CARD10: variants seen among roughly 807,000 people sequenced by gnomAD.
CARD10 encodes the protein caspase recruitment domain-containing protein 10.
In CARD10, 49 loss-of-function variants were observed where a neutral mutation model predicts 114.6. That is an observed-to-expected ratio of 0.43 (90% confidence interval 0.34 to 0.54). CARD10 has a LOEUF of 0.54. Ranked by LOEUF, CARD10 falls within the 20% of genes least tolerant of loss-of-function variation. The pLI is 0.03. For missense variants in CARD10, 1,206 were observed against 1,397.2 expected, an observed-to-expected ratio of 0.86 and a Z score of 2.18; for synonymous variants, 602 against 593.2, an observed-to-expected ratio of 1.01 and a Z score of -0.21.
At chr22:37,500,116 C>T (rs563968272) in intron 11 of CARD10, among the ~76,000 whole-genome samples, 55 of 152,192 alleles carry the variant, frequency 3.6e-4, no homozygotes, top group Non-Finnish European at 6.9e-4. Flanking sequence ...AGGTCAGGGA[C>T]CTGATGCTGA....
At chr22:37,517,119 T>A (rs1438907590) in intron 2 of CARD10, among the ~76,000 whole-genome samples, 1 of 152,170 alleles carries the variant, frequency 6.6e-6, no homozygotes, top group Non-Finnish European at 1.5e-5. Flanking sequence ...CATACAAGGA[T>A]GTTCCCGTAT....
At chr22:37,511,648 G>A (rs140710816) in intron 3 of CARD10, among the ~76,000 whole-genome samples, 332 of 151,956 alleles carry the variant, frequency 2.2e-3, no homozygotes, top group Non-Finnish European at 3.8e-3. Flanking sequence ...TGTACGGGGG[G>A]GGTGTGAGGG....
At chr22:37,498,907 G>C (rs966076635) in intron 11 of CARD10, among the ~76,000 whole-genome samples, 1 of 52,358 alleles carries the variant, frequency 1.9e-5, no homozygotes, top group Non-Finnish European at 3.2e-5. Flanking sequence ...CTGGGGGGTG[G>C]GGGGGGGGGG....
intron 11 of CARD10, among the ~76,000 whole-genome samples, chr22:37,499,225 C>T (rs1010889312): frequency 3.3e-5 from 5 of 151,758 alleles, no homozygotes; most frequent in African/African-American, 1.2e-4. Context: ...TGGGGTCAAA[C>T]GGCCCAGCTG....
chr22:37,507,795 G>A (rs760843710), intron 6 of CARD10, 34 bp downstream of exon 6: 3 of 1,613,330 alleles, frequency 1.9e-6, no homozygotes, highest in Non-Finnish European at 2.5e-6. Context: ...AGCAGCAACT[G>A]GCCCAGGGCC....
Position 37,497,114 on chromosome 22 carries a change from G to T in CARD10, c.1852C>A (p.Pro618Thr). 1.2e-6 allele frequency: 2 copies of T among 1,614,252 alleles called. No homozygotes were observed. The highest frequency in any genetic ancestry group is 1.7e-6 in the Non-Finnish European group (2 of 1,180,048). ...PGGPEPQDKG[P>T]DGLSFYGDRW... ...TCCCCATAAAACGACAGTCCATCTG[G>T]TCCCTTGTCCTGCGGCTCTGGGCCC... The change falls in exon 12 of 20, where the codon CCA (proline) becomes ACA (threonine). Residue 618 changes from proline (P) to threonine (T), a missense_variant. Pro to Thr is a conservative substitution (Grantham distance 38). Around this residue, in one of 2 missense-constraint regions of CARD10, gnomAD observed 1,068 missense variants for 1,179.1 expected, o/e 0.91. Transcript: ENST00000251973.
intron 4 of CARD10, among the ~76,000 whole-genome samples, chr22:37,509,641 CG>C (rs201218584): frequency 5.3e-5 from 8 of 149,892 alleles, no homozygotes; most frequent in African/African-American, 2.0e-4. Context: ...CTGACCTCCC[CG>C]CAGCCTGTGC....
At position 37,519,033 on chromosome 22, in the gene CARD10, G is replaced by A. The variant is rs762529561; in HGVS notation, c.168C>T (p.Val56=). ...KLTPYLRQCR[V]IDEQDEEEVL... is the part of the protein sequence containing the mutation. ...CCTCCTCCTCGTCCTGCTCGTCGAT[G>A]ACCCGGCACTGGCGCAGATACGGCG... The change falls in exon 1 of 20, where the codon GTC becomes GTT. Residue 56 remains valine (V), a synonymous_variant. Transcript: ENST00000251973. This position sits in a 1 kb window ranked among gnomAD's most constrained non-coding sequence, Gnocchi z 4.1. 11 of 1,595,212 alleles carry A rather than the reference G, an allele frequency of 6.9e-6. No individual in the cohort carries two copies. The South Asian group carries it at 1.0e-4, about 14-fold the overall frequency.
chr22:37,500,136 A>G (rs964738172), intron 11 of CARD10, among the ~76,000 whole-genome samples: 1 of 152,232 alleles, frequency 6.6e-6, no homozygotes, highest in Non-Finnish European at 1.5e-5. Flanking sequence ...AGACTGAAGC[A>G]TGCCACACAG....
chr22:37,495,485 C>G, intron 15 of CARD10, 32 bp downstream of exon 15: 1 of 1,581,418 alleles, frequency 6.3e-7, no homozygotes, highest in Non-Finnish European at 8.6e-7. Context: ...CCCTTGGGGC[C>G]CCCCACCCAC....
chr22:37,514,191 G>C (rs1267997530), intron 3 of CARD10, among the ~76,000 whole-genome samples: 1 of 151,836 alleles, frequency 6.6e-6, no homozygotes, highest in Admixed American at 6.6e-5. Flanking sequence ...TCCTCCTCTA[G>C]AAATGGGGAA....
In CARD10 at chr22:37,491,164, C is replaced by A; in HGVS notation, c.3094G>T (p.Ala1032Ser). ...SSRGCPSSSE[A>S] The stretch of plus-strand genomic sequence containing the variant: ...GTGCAGGTATCAGATGAGCCTCAGG[C>A]CTCACTGCTGCTGGGGCAGCCTCTG... Residue 1032 changes from alanine (A) to serine (S), a missense_variant, in exon 20 of 20, where the codon GCC becomes TCC. Ala to Ser is a moderately conservative substitution (Grantham distance 99). Around this residue, in one of 2 missense-constraint regions of CARD10, gnomAD observed 1,068 missense variants for 1,179.1 expected, o/e 0.91. Transcript: ENST00000251973. 1 of 1,556,548 alleles carries A rather than the reference C, an allele frequency of 6.4e-7. No homozygotes were observed. The highest frequency in any genetic ancestry group is 8.7e-7 in the Non-Finnish European group (1 of 1,151,200).
At chr22:37,494,276 G>A (rs1922913509) in intron 15 of CARD10, 88 bp from the exon 16 acceptor site, 3 of 848,258 alleles carry the variant, frequency 3.5e-6, no homozygotes, top group Non-Finnish European at 5.6e-6. Context: ...GGCACAGCGG[G>A]CCCCACTGCC....
Position 37,519,387 on chromosome 22 carries a change from C to A in CARD10, c.-187G>T. On this transcript the variant is annotated 5_prime_UTR_variant, in exon 1 of 20. Coordinates refer to ENST00000251973, the MANE Select transcript of CARD10 (RefSeq NM_014550.4). This position sits in a 1 kb window ranked among gnomAD's most constrained non-coding sequence, Gnocchi z 4.1. Reference sequence around the variant, plus strand: ...TCGGGCTCCCGGGTCCGCACTCGGGCGGCGGCTCCGCCGGCGCAGGGGGGC... The same window carrying A: ...TCGGGCTCCCGGGTCCGCACTCGGGAGGCGGCTCCGCCGGCGCAGGGGGGC... The A allele has an allele frequency of 1.7e-6, 2 of 1,207,300 alleles. No individual in the cohort carries two copies. Among genetic ancestry groups the A allele is most frequent in the Non-Finnish European group, 2.1e-6 (2 of 972,798 alleles). 74.8% of individuals were successfully genotyped at this position (1,207,300 alleles called of 1,614,324 possible).
intron 4 of CARD10, among the ~76,000 whole-genome samples, 165 bp from the exon 5 acceptor site, chr22:37,508,847 AG>A (rs1302577906): frequency 6.6e-6 from 1 of 152,166 alleles, no homozygotes; most frequent in Non-Finnish European, 1.5e-5. Context: ...CCCCATCGGC[AG>A]AGTGGGTGTG....
At chr22:37,509,449 C>T (rs568129412) in intron 4 of CARD10, among the ~76,000 whole-genome samples, 3 of 152,104 alleles carry the variant, frequency 2.0e-5, no homozygotes, top group Non-Finnish European at 4.4e-5. Flanking sequence ...GCCCTCAGCT[C>T]AGAGCTTCAG....
intron 5 of CARD10, among the ~76,000 whole-genome samples, 187 bp from the exon 6 acceptor site, chr22:37,508,141 C>T (rs1229801278): frequency 6.6e-6 from 1 of 152,170 alleles, no homozygotes; most frequent in Non-Finnish European, 1.5e-5. Flanking sequence ...ACTGCCTAAT[C>T]TGTAAAACGA....
Position 37,504,737 on chromosome 22 carries a change from G to C in CARD10, c.1416C>G (p.Asn472Lys). The C allele has an allele frequency of 6.4e-7, 1 of 1,573,598 alleles. No individual in the cohort carries two copies. Among genetic ancestry groups the C allele is most frequent in the Non-Finnish European group, 8.6e-7 (1 of 1,162,072 alleles). The change falls in exon 8 of 20, where the codon AAC (asparagine) becomes AAG (lysine). Residue 472 changes from asparagine (N) to lysine (K), a missense_variant. This residue lies in a region of CARD10 where 1,068 missense variants were observed against 1,179.1 expected (regional missense o/e 0.91). Coordinates refer to ENST00000251973, the MANE Select transcript of CARD10 (RefSeq NM_014550.4). The part of the protein sequence containing the change: ...ACASSHSLCS[N>K]LSSTWSLSEF... ...CGCTCAGGCTCCAAGTGCTGCTGAG[G>C]TTGGAGCACAGGGAATGGGAGGAGG...
chr22:37,507,925 G>A lies in CARD10; in HGVS notation c.1095C>T (p.Leu365=), dbSNP rs1181432488. The A allele has an allele frequency of 2.5e-6, 4 of 1,614,162 alleles. No individual in the cohort carries two copies. The highest frequency in any genetic ancestry group is 1.7e-6 in the Non-Finnish European group (2 of 1,180,000). ...AGTCCTTCTGCAGCGTGCGGTGCTT[G>A]AGCCGCAGGTCTTCCATCTCCTGCA... ...QYLQEMEDLR[L]KHRTLQKDCD... The change falls in exon 6 of 20, where the codon CTC becomes CTT. Residue 365 remains leucine (L), a synonymous_variant. Coordinates refer to ENST00000251973, the MANE Select transcript of CARD10 (RefSeq NM_014550.4).
Sources: gnomAD v4.1 joint callset for allele counts (sites outside exome capture counted in the v4.1 genomes callset) on GRCh38, gnomAD v4.1.1 for gene constraint, gnomAD v4.1.1 regional missense constraint, Gnocchi (gnomAD v3.1) non-coding constraint, MANE v1.5 for transcripts, NCBI Gene and HGNC (gene_info 2026-07-23, HGNC 2026-07-21) for gene names.